Variants in SORCS2 observed in about 807,000 individuals in gnomAD.
SORCS2 encodes the protein VPS10 domain-containing receptor SorCS2.
Under a neutral mutation model 141.6 loss-of-function variants are expected in SORCS2, and 100 were observed. That is an observed-to-expected ratio of 0.71 (90% CI 0.60 to 0.83). The LOEUF is 0.83. Ranked by LOEUF, SORCS2 falls within the 40% of genes least tolerant of loss-of-function variation. SORCS2 has a pLI of 0.00. For synonymous variants in SORCS2, 789 were observed against 676.9 expected, an observed-to-expected ratio of 1.17 and a Z score of -2.57; for missense variants, 1,646 against 1,560.2, an observed-to-expected ratio of 1.05 and a Z score of -0.93.
At chr4:7,535,816 TG>T (rs111583077) in intron 3 of SORCS2, among the ~76,000 whole-genome samples, 1 of 152,120 alleles carries the variant, frequency 6.6e-6, no homozygotes, top group African/African-American at 2.4e-5. Flanking sequence ...GTGCCAGGCA[TG>T]GGGGGCATTG....
intron 2 of SORCS2, among the ~76,000 whole-genome samples, chr4:7,525,143 T>A (rs1733592371): frequency 6.6e-6 from 1 of 152,192 alleles, no homozygotes; most frequent in Non-Finnish European, 1.5e-5. Context: ...GAGAAGCAGA[T>A]GCTCAGAGGA....
chr4:7,522,984 T>G (rs1296563645), intron 2 of SORCS2, among the ~76,000 whole-genome samples: 1 of 128,236 alleles, frequency 7.8e-6, no homozygotes, highest in Non-Finnish European at 1.6e-5. Flanking sequence ...CCTTCCTTCC[T>G]TTCTTCTCCT....
intron 1 of SORCS2, among the ~76,000 whole-genome samples, chr4:7,225,577 C>T (rs970452634): frequency 1.3e-5 from 2 of 152,190 alleles, no homozygotes; most frequent in Non-Finnish European, 2.9e-5. Context: ...CTCACTGCTG[C>T]TCACTTTGTG....
chr4:7,435,297 C>A (rs1446236592), intron 2 of SORCS2, among the ~76,000 whole-genome samples: 1 of 152,198 alleles, frequency 6.6e-6, no homozygotes, highest in Non-Finnish European at 1.5e-5. Context: ...CCCCCTCACA[C>A]CCCGAGGAGT....
At chr4:7,489,775 AC>A (rs1731206778) in intron 2 of SORCS2, among the ~76,000 whole-genome samples, 1 of 151,934 alleles carries the variant, frequency 6.6e-6, no homozygotes, top group Non-Finnish European at 1.5e-5. Context: ...TGCCTGACAA[AC>A]CCCTGTCAAA....
intron 25 of SORCS2, among the ~76,000 whole-genome samples, chr4:7,736,683 C>T (rs1712206229): frequency 6.6e-6 from 1 of 152,180 alleles, no homozygotes; most frequent in Admixed American, 6.5e-5. Context: ...CCGGCTCGTG[C>T]CTCCTGCGGG....
At chr4:7,632,411 C>T in intron 3 of SORCS2, among the ~76,000 whole-genome samples, 1 of 152,194 alleles carries the variant, frequency 6.6e-6, no homozygotes. Flanking sequence ...GGAACCACTG[C>T]CAGCTCCGCC....
Position 7,488,407 on chromosome 4 carries a change from G to A in SORCS2, c.549-43123G>A, listed in dbSNP as rs563235641. On this transcript the variant is annotated intron_variant, in intron 2 of 26. Transcript: ENST00000507866. ...GGATCAGCCTCAGTCTCAGGCTGAG[G>A]GATGAGGTCAGAGAAGGAGCACTTG... Among the ~76,000 whole-genome samples, 3 of 152,332 alleles carry A rather than the reference G, an allele frequency of 2.0e-5. No individual in the cohort carries two copies. The South Asian group carries it at 6.2e-4, about 32-fold the overall frequency.
intron 3 of SORCS2, among the ~76,000 whole-genome samples, chr4:7,558,586 T>A (rs554803879): frequency 7.9e-5 from 12 of 152,294 alleles, no homozygotes; most frequent in African/African-American, 2.9e-4. Flanking sequence ...CATCTGACAG[T>A]GCTGCCTGGT....
chr4:7,375,636 G>A (rs1273636906), intron 1 of SORCS2, among the ~76,000 whole-genome samples: 3 of 152,242 alleles, frequency 2.0e-5, no homozygotes, highest in Non-Finnish European at 2.9e-5. Flanking sequence ...GAACCAGCCT[G>A]AGCCAGCTTT....
At position 7,547,336 on chromosome 4, in the gene SORCS2, C is replaced by A. The variant is rs1713341001; in HGVS notation, c.648+15707C>A. Among the ~76,000 whole-genome samples the A allele has an allele frequency of 2.0e-5, 3 of 152,338 alleles. No individual in the cohort carries two copies. The South Asian group carries it at 6.2e-4, about 32-fold the overall frequency. On this transcript the variant is annotated intron_variant, in intron 3 of 26. Coordinates refer to ENST00000507866, the MANE Select transcript of SORCS2 (RefSeq NM_020777.3). ...CACCCTGGTCTTCCCTAGCCCACTTCCCTCCACTTCCAGAGCCCAGCTCTG... is the reference window on the plus strand; with the variant it reads ...CACCCTGGTCTTCCCTAGCCCACTTACCTCCACTTCCAGAGCCCAGCTCTG...
chr4:7,566,470 A>G (rs991016665), intron 3 of SORCS2, among the ~76,000 whole-genome samples: 1 of 152,238 alleles, frequency 6.6e-6, no homozygotes, highest in Non-Finnish European at 1.5e-5. Flanking sequence ...GCCACATAAC[A>G]TTCTTATTTT....
At chr4:7,318,340 G>A (rs1718690397) in intron 1 of SORCS2, among the ~76,000 whole-genome samples, 1 of 152,156 alleles carries the variant, frequency 6.6e-6, no homozygotes, top group Non-Finnish European at 1.5e-5. Flanking sequence ...AGGGCTGTTG[G>A]TGTGCCACTC....
chr4:7,292,770 C>T (rs1173960039), intron 1 of SORCS2, among the ~76,000 whole-genome samples: 1 of 152,166 alleles, frequency 6.6e-6, no homozygotes, highest in Non-Finnish European at 1.5e-5. Flanking sequence ...GAGACGTTGC[C>T]ATGATGCCCT....
intron 1 of SORCS2, among the ~76,000 whole-genome samples, chr4:7,348,905 G>A (rs568598836): frequency 2.0e-5 from 3 of 152,260 alleles, no homozygotes; most frequent in African/African-American, 7.2e-5. Context: ...GTCGGAAAGC[G>A]ACCCATCATG....
intron 2 of SORCS2, among the ~76,000 whole-genome samples, chr4:7,472,995 A>G (rs1387036967): frequency 6.6e-6 from 1 of 152,070 alleles, no homozygotes; most frequent in Non-Finnish European, 1.5e-5. Context: ...TTTAACAAAA[A>G]TGGTATGGAG....
At chr4:7,640,244 CTA>C (rs377530424) in intron 4 of SORCS2, among the ~76,000 whole-genome samples, 13 of 122,086 alleles carry the variant, frequency 1.1e-4, no homozygotes, top group African/African-American at 3.9e-4. Flanking sequence ...GTGTGAGAAC[CTA>C]TGTGAGTGTG....
intron 2 of SORCS2, among the ~76,000 whole-genome samples, chr4:7,463,266 C>T (rs762569569): frequency 1.4e-4 from 22 of 152,176 alleles, no homozygotes; most frequent in South Asian, 4.1e-4. Context: ...ATTTGCTGCA[C>T]AGCCCGTTAC....
At chr4:7,374,606 C>A (rs957233643) in intron 1 of SORCS2, among the ~76,000 whole-genome samples, 4 of 152,214 alleles carry the variant, frequency 2.6e-5, no homozygotes, top group Non-Finnish European at 5.9e-5. Flanking sequence ...CACGTCCAGG[C>A]CTTGCCCCCA....
Sources: gnomAD v4.1 joint callset for allele counts (sites outside exome capture counted in the v4.1 genomes callset) on GRCh38, gnomAD v4.1.1 for gene constraint, MANE v1.5 for transcripts, NCBI Gene and HGNC (gene_info 2026-07-23, HGNC 2026-07-21) for gene names.